TAFA1: variants seen among roughly 807,000 people sequenced by gnomAD.
TAFA1 encodes the protein TAFA chemokine like family member 1, also known as chemokine-like protein TAFA-1.
TAFA1 carries 4 observed loss-of-function variants against 18.5 expected under a neutral mutation model. The ratio of observed to expected loss-of-function variants is 0.22; its 90% CI spans 0.11 to 0.49. The LOEUF is 0.49. Ranked by LOEUF, TAFA1 falls within the 20% of genes least tolerant of loss-of-function variation. The probability of loss-of-function intolerance (pLI) is 0.98; values close to 1 mark genes in which losing one functional copy is unlikely to be tolerated. For missense variants in TAFA1, 147 were observed against 169.0 expected, an observed-to-expected ratio of 0.87 and a Z score of 0.72; for synonymous variants, 56 against 55.2, an observed-to-expected ratio of 1.01 and a Z score of -0.06.
At chr3:68,027,795 C>T (rs1036170893) in intron 2 of TAFA1, among the ~76,000 whole-genome samples, 26 of 152,124 alleles carry the variant, frequency 1.7e-4, no homozygotes, top group African/African-American at 6.0e-4. Flanking sequence ...CTAGTGTTCT[C>T]AGCTTAATGT....
intron 2 of TAFA1, among the ~76,000 whole-genome samples, chr3:68,207,515 G>T (rs777775602): frequency 6.6e-6 from 1 of 151,778 alleles, no homozygotes; most frequent in Non-Finnish European, 1.5e-5. Flanking sequence ...ATGTCAGTTC[G>T]CAGAGCCCCA....
In TAFA1 at chr3:68,542,426, C is replaced by T. The variant is rs534558212; in HGVS notation, c.385-2060C>T. Among the ~76,000 whole-genome samples the T allele has an allele frequency of 4.6e-5, 7 of 152,212 alleles. 1 individual carries two copies. Among genetic ancestry groups the T allele is most frequent in the African/African-American group, 1.4e-4 (6 of 41,548 alleles). On this transcript the variant is annotated intron_variant, in intron 4 of 4. Coordinates refer to ENST00000478136, the MANE Select transcript of TAFA1 (RefSeq NM_213609.4). ...GCAGTTTTAGACACCTATTTATTTA[C>T]GTCTTTTCTTTAAACTATATCAAAT...
intron 2 of TAFA1, among the ~76,000 whole-genome samples, chr3:68,324,042 C>T (rs1299189248): frequency 6.6e-6 from 1 of 152,200 alleles, no homozygotes; most frequent in African/African-American, 2.4e-5. Context: ...AGAGCCTCCA[C>T]CATCTCCAAA....
At chr3:68,434,524 AT>A (rs1192752615) in intron 3 of TAFA1, among the ~76,000 whole-genome samples, 1 of 151,934 alleles carries the variant, frequency 6.6e-6, no homozygotes, top group African/African-American at 2.4e-5. Flanking sequence ...TGTGCTGTGA[AT>A]TTTTTTCTTC....
intron 2 of TAFA1, among the ~76,000 whole-genome samples, chr3:68,301,048 A>G (rs914303898): frequency 6.6e-6 from 1 of 152,210 alleles, no homozygotes; most frequent in African/African-American, 2.4e-5. Context: ...GTAACCACTA[A>G]ACAAAATATT....
At chr3:68,227,762 G>T (rs2066820372) in intron 2 of TAFA1, among the ~76,000 whole-genome samples, 1 of 152,200 alleles carries the variant, frequency 6.6e-6, no homozygotes. Context: ...AATCCGTGGT[G>T]AATTCCCAAA....
rs191031856 is a variant in TAFA1, at chr3:68,410,910, G to A, written c.119-6370G>A. On this transcript the variant is annotated intron_variant, in intron 2 of 4. Coordinates refer to ENST00000478136, the MANE Select transcript of TAFA1 (RefSeq NM_213609.4). ...ATATTATCATTCTGAAATAACATTG[G>A]CAGTTAAGTTTGAAAGGATAGTTCA... 2.5e-3 allele frequency among the ~76,000 whole-genome samples: 377 copies of A among 152,194 alleles called. 1 individual carries two copies. The highest frequency in any genetic ancestry group is 4.7e-3 in the Non-Finnish European group (319 of 68,006).
At chr3:68,534,115 T>C (rs930860525) in intron 3 of TAFA1, among the ~76,000 whole-genome samples, 20 of 152,118 alleles carry the variant, frequency 1.3e-4, no homozygotes, top group African/African-American at 4.3e-4. Context: ...GGAGACGATT[T>C]GCATCTGTAG....
At chr3:68,402,742 T>C (rs11707435) in intron 2 of TAFA1, among the ~76,000 whole-genome samples, 3,002 of 152,314 alleles carry the variant, frequency 0.02, 44 homozygotes, top group Non-Finnish European at 0.029. Context: ...TTGGCTTGGA[T>C]GAGGTATGCA....
intron 2 of TAFA1, among the ~76,000 whole-genome samples, chr3:68,311,154 A>G (rs915815026): frequency 6.6e-6 from 1 of 152,130 alleles, no homozygotes; most frequent in African/African-American, 2.4e-5. Flanking sequence ...TCAAGAGAAC[A>G]GCACAGGAGA....
chr3:68,060,453 T>A (rs138817946), intron 2 of TAFA1, among the ~76,000 whole-genome samples: 1 of 152,088 alleles, frequency 6.6e-6, no homozygotes. Flanking sequence ...TTAAAGAACA[T>A]TGTTTTAGGC....
At chr3:68,366,419 T>A (rs1019009351) in intron 2 of TAFA1, among the ~76,000 whole-genome samples, 13 of 152,314 alleles carry the variant, frequency 8.5e-5, no homozygotes, top group South Asian at 4.1e-4. Context: ...AAGCAGCAAT[T>A]CATAGTCTTC....
chr3:68,300,799 A>G (rs556783066), intron 2 of TAFA1, among the ~76,000 whole-genome samples: 3 of 152,232 alleles, frequency 2.0e-5, no homozygotes, highest in African/African-American at 7.2e-5. Context: ...ATGGTTTTAT[A>G]AGTGTTTTCT....
At chr3:68,100,010 G>A (rs2065130013) in intron 2 of TAFA1, among the ~76,000 whole-genome samples, 1 of 152,092 alleles carries the variant, frequency 6.6e-6, no homozygotes, top group Non-Finnish European at 1.5e-5. Context: ...AGGGGAGGGA[G>A]GGAGAGGGAC....
intron 3 of TAFA1, among the ~76,000 whole-genome samples, chr3:68,441,679 A>G (rs2071383765): frequency 1.3e-5 from 2 of 152,112 alleles, no homozygotes; most frequent in African/African-American, 4.8e-5. Context: ...AGTGTCTCAA[A>G]TGCCCATGGT....
chr3:68,293,298 T>C (rs931728656), intron 2 of TAFA1, among the ~76,000 whole-genome samples: 4 of 152,200 alleles, frequency 2.6e-5, no homozygotes, highest in Non-Finnish European at 5.9e-5. Context: ...TCTCTCTAGA[T>C]GATGGGTTGA....
At chr3:67,999,128 G>T in the TAFA1 span, among the ~76,000 whole-genome samples, 2 of 152,056 alleles carry the variant, frequency 1.3e-5, no homozygotes, top group Non-Finnish European at 2.9e-5. Context: ...TAGTTTCTTG[G>T]TTGCACTTCT....
At chr3:68,058,575 A>AT (rs1009317286) in intron 2 of TAFA1, among the ~76,000 whole-genome samples, 1 of 152,178 alleles carries the variant, frequency 6.6e-6, no homozygotes, top group African/African-American at 2.4e-5. Flanking sequence ...CATAGCTGAG[A>AT]TTGACTTCTC....
At chr3:68,416,398 A>G (rs931295750) in intron 2 of TAFA1, among the ~76,000 whole-genome samples, 2 of 152,194 alleles carry the variant, frequency 1.3e-5, no homozygotes, top group African/African-American at 4.8e-5. Context: ...ACTGCATCCT[A>G]AATGCCAAGA....
Sources: allele counts gnomAD v4.1 joint callset (sites outside exome capture counted in the v4.1 genomes callset), GRCh38; gene constraint gnomAD v4.1.1; transcripts MANE v1.5; gene names NCBI Gene and HGNC (gene_info 2026-07-23, HGNC 2026-07-21).